Variants in SHROOM3 observed in about 807,000 individuals in gnomAD.
SHROOM3 encodes the protein protein Shroom3.
In SHROOM3, 47 loss-of-function variants were observed where a neutral mutation model predicts 138.6. That is an observed-to-expected ratio of 0.34 (90% CI 0.27 to 0.43). The LOEUF (loss-of-function observed/expected upper bound fraction) is 0.43, where lower values mean the gene tolerates loss of function less well. SHROOM3 is among the 20% of genes least tolerant of loss of function. The pLI is 1.00. For missense variants in SHROOM3, 2,491 were observed against 2,596.5 expected, an observed-to-expected ratio of 0.96 and a Z score of 0.88; for synonymous variants, 1,062 against 1,063.3, an observed-to-expected ratio of 1.00 and a Z score of 0.02.
Position 76,499,617 on chromosome 4 carries a change from A to G in SHROOM3, c.169-55992A>G, listed in dbSNP as rs562243845. 2.6e-5 allele frequency among the ~76,000 whole-genome samples: 4 copies of G among 152,316 alleles called. No homozygotes were observed. The East Asian group carries it at 7.7e-4, about 29-fold the overall frequency. ...TCTGGGTTCTGCTTTTAAGGAAATG[A>G]GAGTAGACATGCACGCTAGGCTGCC... is the stretch of plus-strand genomic sequence containing the variant. On this transcript the variant is annotated intron_variant, in intron 1 of 10. Coordinates refer to ENST00000296043, the MANE Select transcript of SHROOM3 (RefSeq NM_020859.4).
intron 2 of SHROOM3, among the ~76,000 whole-genome samples, chr4:76,665,718 C>A (rs1012137006): frequency 1.3e-5 from 2 of 152,190 alleles, no homozygotes; most frequent in Non-Finnish European, 2.9e-5. Context: ...CCATGAGCTA[C>A]CTGTTGTGTT....
At position 76,736,983 on chromosome 4, in the gene SHROOM3, G is replaced by A. The variant is rs573711313; in HGVS notation, c.588-1778G>A. Reference sequence around the variant, plus strand: ...GTTCACTGTTGCTGTTGTGCATTTTGTAGGTTTGGACAAATGTATAATGAC... The same window carrying A: ...GTTCACTGTTGCTGTTGTGCATTTTATAGGTTTGGACAAATGTATAATGAC... On this transcript the variant is annotated intron_variant, in intron 4 of 10. Transcript: ENST00000296043. Among the ~76,000 whole-genome samples, 11 of 152,270 alleles carry A rather than the reference G, an allele frequency of 7.2e-5. No homozygotes were observed. The South Asian group carries it at 2.3e-3, about 32-fold the overall frequency.
intron 1 of SHROOM3, among the ~76,000 whole-genome samples, chr4:76,514,044 A>G (rs1732395540): frequency 6.6e-6 from 1 of 152,236 alleles, no homozygotes; most frequent in African/African-American, 2.4e-5. Context: ...TAAGCCGTTC[A>G]CTGGTTTAAG....
chr4:76,494,407 T>C lies in SHROOM3; in HGVS notation c.168+58187T>C, dbSNP rs144808116. On this transcript the variant is annotated intron_variant, in intron 1 of 10. Transcript: ENST00000296043. ...CAGAATTAACATTGTGCGCTACTAG[T>C]TTTATTCCTGTTTGTCAAACAAGAT... Among the ~76,000 whole-genome samples the C allele has an allele frequency of 2.0e-4, 31 of 152,272 alleles. No homozygotes were observed. The East Asian group carries it at 5.8e-3, about 28-fold the overall frequency.
chr4:76,450,990 G>A (rs1730914454), intron 1 of SHROOM3, among the ~76,000 whole-genome samples: 1 of 150,426 alleles, frequency 6.6e-6, no homozygotes, highest in Admixed American at 6.6e-5. Flanking sequence ...TAGATCTTTT[G>A]CACAGGCTGG....
At chr4:76,582,441 C>T (rs1175989104) in intron 2 of SHROOM3, among the ~76,000 whole-genome samples, 1 of 152,020 alleles carries the variant, frequency 6.6e-6, no homozygotes, top group Non-Finnish European at 1.5e-5. Context: ...CACCATAGAC[C>T]TTCATCTCTA....
At chr4:76,688,283 A>G in intron 2 of SHROOM3, 1 of 545,862 alleles carries the variant, frequency 1.8e-6, no homozygotes, top group South Asian at 8.0e-5. Flanking sequence ...CTGTCCATGA[A>G]GGTTTCAGTA....
At chr4:76,624,012 G>A (rs1207302638) in intron 2 of SHROOM3, among the ~76,000 whole-genome samples, 1 of 152,038 alleles carries the variant, frequency 6.6e-6, no homozygotes, top group Non-Finnish European at 1.5e-5. Context: ...TGTCATTCTT[G>A]TACATGGATT....
chr4:76,494,639 G>A (rs2109995576), intron 1 of SHROOM3, among the ~76,000 whole-genome samples: 1 of 152,334 alleles, frequency 6.6e-6, no homozygotes, highest in Non-Finnish European at 1.5e-5. Context: ...TAAGGTAGGT[G>A]CCTGATCGTA....
chr4:76,512,472 G>A (rs868255556), intron 1 of SHROOM3, among the ~76,000 whole-genome samples: 1 of 152,194 alleles, frequency 6.6e-6, no homozygotes, highest in Admixed American at 6.5e-5. Flanking sequence ...GATCTGGAAT[G>A]TGGGCCATTT....
intron 1 of SHROOM3, among the ~76,000 whole-genome samples, chr4:76,488,419 G>C (rs1157832029): frequency 6.6e-6 from 1 of 152,150 alleles, no homozygotes; most frequent in African/African-American, 2.4e-5. Flanking sequence ...TGAGTAGGAG[G>C]TTATAAAGAG....
In SHROOM3 at chr4:76,754,467, G is replaced by T; in HGVS notation, c.3984G>T (p.Arg1328Ser). 1 of 1,614,154 alleles carries T rather than the reference G, an allele frequency of 6.2e-7. No homozygotes were observed. Among genetic ancestry groups the T allele is most frequent in the Non-Finnish European group, 8.5e-7 (1 of 1,180,020 alleles). The change falls in exon 7 of 11, where the codon AGG (arginine) becomes AGT (serine). Residue 1328 changes from arginine (R) to serine (S), a missense_variant. Transcript: ENST00000296043. ...GTLDHQRQASRTPCPRPPLAG... is the reference protein window; with the variant it reads ...GTLDHQRQASSTPCPRPPLAG... Reference sequence around the variant, plus strand: ...TGGACCATCAGAGGCAAGCCAGTAGGACACCCTGCCCCAGGCCACCACTGG... The same window carrying T: ...TGGACCATCAGAGGCAAGCCAGTAGTACACCCTGCCCCAGGCCACCACTGG...
In SHROOM3 at chr4:76,779,105, C is replaced by T. The variant is rs1722669454; in HGVS notation, c.5919C>T (p.Leu1973=). The part of the protein sequence containing the change: ...KAGALALPPN[L]TSEPIPAGGC... ...GGGCCCTGGCTCTGCCCCCAAACCT[C>T]ACGAGTGAGCCCATTCCTGCTGGGG... Residue 1973 remains leucine (L), a synonymous_variant, in exon 11 of 11, where the codon CTC becomes CTT. Transcript: ENST00000296043. The T allele has an allele frequency of 1.2e-6, 2 of 1,614,082 alleles. No individual in the cohort carries two copies. The highest frequency in any genetic ancestry group is 1.1e-5 in the South Asian group (1 of 91,084).
intron 5 of SHROOM3, among the ~76,000 whole-genome samples, chr4:76,744,500 C>G (rs926094933): frequency 6.6e-6 from 1 of 152,210 alleles, no homozygotes; most frequent in Non-Finnish European, 1.5e-5. Flanking sequence ...CTTGCATCCT[C>G]TTCATCATCT....
chr4:76,542,564 T>A (rs1019441223), intron 1 of SHROOM3, among the ~76,000 whole-genome samples: 10 of 152,212 alleles, frequency 6.6e-5, no homozygotes, highest in Non-Finnish European at 1.2e-4. Context: ...AGAGACTTGA[T>A]GGCCATTGCT....
At position 76,741,721 on chromosome 4, in the gene SHROOM3, G is replaced by A. The variant is rs1243778588; in HGVS notation, c.3548G>A (p.Arg1183Gln). The A allele has an allele frequency of 1.9e-6, 3 of 1,554,782 alleles. No individual in the cohort carries two copies. The highest frequency in any genetic ancestry group is 1.4e-5 in the African/African-American group (1 of 73,458). ...GCCGGTGGCCGCCGCCTCGGGGAAC[G>A]GCGACGCGGGGACCTGCTTAGCGGA... ...SFAGGRRLGE[R>Q]RRGDLLSGAN... Residue 1183 changes from arginine (R) to glutamine (Q), a missense_variant, in exon 5 of 11, where the codon CGG becomes CAG. Arg to Gln is a conservative substitution (Grantham distance 43, BLOSUM62 1). Transcript: ENST00000296043. This position sits in a 1 kb window ranked among gnomAD's most constrained non-coding sequence, Gnocchi z 6.2.
At chr4:76,501,417 G>A (rs1006048949) in intron 1 of SHROOM3, among the ~76,000 whole-genome samples, 1 of 152,120 alleles carries the variant, frequency 6.6e-6, no homozygotes, top group Admixed American at 6.5e-5. Flanking sequence ...TAAGCAATAA[G>A]GATGCTAGGA....
chr4:76,536,042 G>T (rs1249736977), intron 1 of SHROOM3, among the ~76,000 whole-genome samples: 1 of 152,196 alleles, frequency 6.6e-6, no homozygotes, highest in Non-Finnish European at 1.5e-5. Context: ...GAGACCCAGG[G>T]TTACAACTCA....
Position 76,754,310 on chromosome 4 carries a change from G to C in SHROOM3, c.3828-1G>C. ...ACCCTCCTGTCTGTGTGCCGTTCCA[G>C]GTCACTCAGTTGTTCAGAAAGAGGC... On this transcript the variant is annotated splice_acceptor_variant, in intron 6 of 10. Coordinates refer to ENST00000296043, the MANE Select transcript of SHROOM3 (RefSeq NM_020859.4). LOFTEE classifies it high-confidence loss of function. The C allele has an allele frequency of 1.2e-6, 2 of 1,614,114 alleles. No individual in the cohort carries two copies. The highest frequency in any genetic ancestry group is 2.2e-5 in the South Asian group (2 of 91,050).
Sources: gnomAD v4.1 joint callset for allele counts (sites outside exome capture counted in the v4.1 genomes callset) on GRCh38, gnomAD v4.1.1 for gene constraint, Gnocchi (gnomAD v3.1) non-coding constraint, MANE v1.5 for transcripts, NCBI Gene and HGNC (gene_info 2026-07-23, HGNC 2026-07-21) for gene names.